Variants in NUTM1 observed in about 807,000 individuals in gnomAD.
The protein encoded by NUTM1 is NUT family member 1.
In NUTM1, 39 loss-of-function variants were observed where a neutral mutation model predicts 88.7. The observed-to-expected ratio is 0.44, with a 90% CI of 0.34 to 0.57. NUTM1 has a LOEUF of 0.57. Ranked by LOEUF, NUTM1 falls within the 20% of genes least tolerant of loss-of-function variation. The probability of loss-of-function intolerance (pLI) is 0.01; values close to 1 mark genes in which losing one functional copy is unlikely to be tolerated. For missense variants in NUTM1, 1,350 were observed against 1,414.5 expected (o/e 0.95, Z 0.73); for synonymous variants, 494 against 538.0 (o/e 0.92, Z 1.13).
At chr15:34,345,702 A>G (rs8032347) in intron 1 of NUTM1, among the ~76,000 whole-genome samples, 20,771 of 152,156 alleles carry the variant, frequency 0.14, 1,555 homozygotes, top group East Asian at 0.33. Context: ...ATCTGAGAAA[A>G]AGTTTACAAA....
Position 34,356,941 on chromosome 15 carries a change from A to G in NUTM1, c.2933A>G (p.Gln978Arg), listed in dbSNP as rs746717709. 4 of 1,613,856 alleles carry G rather than the reference A, an allele frequency of 2.5e-6. No homozygotes were observed. In the South Asian group the frequency reaches 3.3e-5, roughly 13 times the overall value. The change falls in exon 8 of 8, where the codon CAA becomes CGA. Residue 978 changes from glutamine to arginine, a missense_variant. By Grantham distance (43) the Gln-to-Arg change is conservative. Coordinates refer to ENST00000537011, the MANE Select transcript of NUTM1 (RefSeq NM_001284292.2). ...LSKPKNLAPL[Q>R]ESQESYTTGT... is the part of the protein sequence containing the mutation. ...AAGCCTAAAAACCTTGCTCCTTTAC[A>G]AGAGAGTCAGGAGTCTTACACAACT... is the stretch of plus-strand genomic sequence containing the variant.
chr15:34,354,592 G>T lies in NUTM1; in HGVS notation c.1222G>T (p.Gly408Trp). 1 of 1,614,176 alleles carries T rather than the reference G, an allele frequency of 6.2e-7. No individual in the cohort carries two copies. Among genetic ancestry groups the T allele is most frequent in the Non-Finnish European group, 8.5e-7 (1 of 1,180,040 alleles). Reference protein sequence around the residue: ...EYVDIMEWLVGTHLATGESDG... With the variant: ...EYVDIMEWLVWTHLATGESDG... ...TGTTGACATCATGGAATGGCTGGTG[G>T]GGACTCACTTGGCCACTGGGGAGTC... Residue 408 changes from glycine (G) to tryptophan (W), a missense_variant, in exon 6 of 8, where the codon GGG (glycine) becomes TGG (tryptophan). Physicochemically the swap from Gly to Trp is radical, Grantham distance 184. This residue lies in a region of NUTM1 where 126 missense variants were observed against 189.8 expected (regional missense o/e 0.66). Transcript: ENST00000537011.
chr15:34,356,612 C>G lies in NUTM1; in HGVS notation c.2604C>G (p.Cys868Trp). 6.2e-7 allele frequency: 1 copy of G among 1,613,974 alleles called. No homozygotes were observed. Among genetic ancestry groups the G allele is most frequent in the Non-Finnish European group, 8.5e-7 (1 of 1,179,992 alleles). Residue 868 changes from cysteine (C) to tryptophan (W), a missense_variant, in exon 8 of 8, where the codon TGC becomes TGG. Physicochemically the swap from Cys to Trp is radical, Grantham distance 215. This residue lies in a region of NUTM1 where 730 missense variants were observed against 728.8 expected (regional missense o/e 1.00). Transcript: ENST00000537011. The stretch of plus-strand genomic sequence containing the variant: ...CCAGTGATCTGTGGGCAGAAGGTTG[C>G]TTCCCATTGCTAGAAAGTGGTGATT... Reference protein sequence around the residue: ...GHPSDLWAEGCFPLLESGDST... With the variant: ...GHPSDLWAEGWFPLLESGDST...
At position 34,356,479 on chromosome 15, in the gene NUTM1, C is replaced by G. The variant is rs1481690977; in HGVS notation, c.2471C>G (p.Ala824Gly). Residue 824 changes from alanine (A) to glycine (G), a missense_variant, in exon 8 of 8, where the codon GCC becomes GGC. Physicochemically the swap from Ala to Gly is moderately conservative, Grantham distance 60 (BLOSUM62 0). Around this residue, in one of 5 missense-constraint regions of NUTM1, gnomAD observed 730 missense variants for 728.8 expected, o/e 1.00. Transcript: ENST00000537011. ...IPCGGTVAAA[A>G]LEKRNYCSLP... ...TGTGGAGGCACAGTTGCGGCAGCTGCCCTAGAAAAGAGAAACTATTGCAGC... is the reference window on the plus strand; with the variant it reads ...TGTGGAGGCACAGTTGCGGCAGCTGGCCTAGAAAAGAGAAACTATTGCAGC... 4 of 1,613,558 alleles carry G rather than the reference C, an allele frequency of 2.5e-6. No homozygotes were observed. In the African/African-American group the frequency reaches 5.3e-5, roughly 22 times the overall value.
At position 34,357,457 on chromosome 15, in the gene NUTM1, C is replaced by T. The variant is rs144051027; in HGVS notation, c.3449C>T (p.Thr1150Met). The change falls in exon 8 of 8, where the codon ACG becomes ATG. Residue 1150 changes from threonine (T) to methionine (M), a missense_variant. Around this residue, in one of 5 missense-constraint regions of NUTM1, gnomAD observed 730 missense variants for 728.8 expected, o/e 1.00. Transcript: ENST00000537011. ...AAAAGGCGGTGTGACAGTTTTGTCA[C>T]GGGCAGAAGGAAGAAACGACGTCGT... is the stretch of plus-strand genomic sequence containing the variant. ...PRKRRCDSFV[T>M]GRRKKRRRSQ 560 of 1,612,720 alleles carry T rather than the reference C, an allele frequency of 3.5e-4. No individual in the cohort carries two copies. Among genetic ancestry groups the T allele is most frequent in the Middle Eastern group, 1.5e-3 (9 of 6,056 alleles).
chr15:34,348,946 C>CAG (rs1890659269), intron 3 of NUTM1, among the ~76,000 whole-genome samples: 1 of 152,206 alleles, frequency 6.6e-6, no homozygotes, highest in Non-Finnish European at 1.5e-5. Context: ...TCTTCATTTA[C>CAG]AGATAAGAAG....
At position 34,357,331 on chromosome 15, in the gene NUTM1, G is replaced by C. The variant is rs1329063220; in HGVS notation, c.3323G>C (p.Gly1108Ala). 6 of 1,614,050 alleles carry C rather than the reference G, an allele frequency of 3.7e-6. No individual in the cohort carries two copies. Among genetic ancestry groups the C allele is most frequent in the African/African-American group, 1.3e-5 (1 of 74,914 alleles). The change falls in exon 8 of 8, where the codon GGT becomes GCT. Residue 1108 changes from glycine (G) to alanine (A), a missense_variant. By Grantham distance (60) the Gly-to-Ala change is moderately conservative. Coordinates refer to ENST00000537011, the MANE Select transcript of NUTM1 (RefSeq NM_001284292.2). ...TCTGGGAAGCGAGCTCTAGCTGGAG[G>C]TCCAGCCCCTACTGAAAAGACACCC... ...AKSGKRALAG[G>A]PAPTEKTPHS... is the part of the protein sequence containing the mutation.
chr15:34,347,562 C>CA (rs962466285), intron 2 of NUTM1, among the ~76,000 whole-genome samples: 47 of 150,210 alleles, frequency 3.1e-4, no homozygotes, highest in African/African-American at 1.1e-3. Flanking sequence ...CCGGCCTCTA[C>CA]AAAAAAATTT....
chr15:34,357,457 CG>C lies in NUTM1; in HGVS notation c.3452del (p.Gly1151AlafsTer24). On this transcript the variant is annotated frameshift_variant, in exon 8 of 8. Transcript: ENST00000537011. LOFTEE classifies it high-confidence loss of function. ...PRKRRCDSFV[T>X]GRRKKRRRSQ ...AAAAGGCGGTGTGACAGTTTTGTCA[CG>C]GGCAGAAGGAAGAAACGACGTCGTA... 6.2e-7 allele frequency: 1 copy of C among 1,612,720 alleles called. No individual in the cohort carries two copies. The highest frequency in any genetic ancestry group is 8.5e-7 in the Non-Finnish European group (1 of 1,179,492).
At chr15:34,354,914 A>C in intron 6 of NUTM1, 107 bp from the exon 7 acceptor site, 2 of 1,014,614 alleles carry the variant, frequency 2.0e-6, no homozygotes, top group Non-Finnish European at 1.5e-6. Context: ...ACAATACCGG[A>C]GGGGTAAGAG....
Position 34,348,273 on chromosome 15 carries a change from T to C in NUTM1, c.405T>C (p.Phe135=). The C allele has an allele frequency of 6.2e-7, 1 of 1,614,246 alleles. No individual in the cohort carries two copies. Among genetic ancestry groups the C allele is most frequent in the Non-Finnish European group, 8.5e-7 (1 of 1,180,036 alleles). The stretch of plus-strand genomic sequence containing the variant: ...CTGAGCCCTCTCAAACTCAGAACTT[T>C]ATCCTTACTCAGACTGCCCTCAATT... ...GSAEPSQTQN[F]ILTQTALNST... Residue 135 remains phenylalanine (F), a synonymous_variant, in exon 3 of 8, where the codon TTT becomes TTC. Transcript: ENST00000537011.
chr15:34,355,956 C>CT lies in NUTM1; in HGVS notation c.1951dup (p.Cys651LeufsTer9). 1 of 1,614,128 alleles carries CT rather than the reference C, an allele frequency of 6.2e-7. No individual in the cohort carries two copies. The highest frequency in any genetic ancestry group is 1.1e-5 in the South Asian group (1 of 91,076). On this transcript the variant is annotated frameshift_variant, in exon 8 of 8. Coordinates refer to ENST00000537011, the MANE Select transcript of NUTM1 (RefSeq NM_001284292.2). LOFTEE classifies it high-confidence loss of function. This position sits in a 1 kb window ranked among gnomAD's most constrained non-coding sequence, Gnocchi z 4.3. ...TGATAGGACTTCAGAGGCTCTGCCC[C>CT]TTTGTTGGCAGGGAGGCTTCCAGCC... is the stretch of plus-strand genomic sequence containing the variant.
Position 34,347,893 on chromosome 15 carries a change from AAAAT to A in NUTM1, c.101-75_101-72del. On this transcript the variant is annotated intron_variant, in intron 2 of 7. Coordinates refer to ENST00000537011, the MANE Select transcript of NUTM1 (RefSeq NM_001284292.2). ...AAATAAAAATAAAAATAAAAATAAA[AAAAT>A]GGGGAATTCAGATGGCTAACTCTGG... The A allele has an allele frequency of 1.2e-5, 7 of 581,986 alleles. No individual in the cohort carries two copies. In the African/African-American group the frequency reaches 1.4e-4, roughly 12 times the overall value. The allele number at this position is 581,986 out of a possible 1,614,324, so 36.1% of individuals were successfully genotyped here. A position where few individuals can be genotyped will look rare whatever the true frequency, so the allele number is the denominator to read the frequency against.
rs745386231 is a variant in NUTM1 at position 34,353,705 on chromosome 15, G to T, written c.939-31G>T. 5 of 1,613,530 alleles carry T rather than the reference G, an allele frequency of 3.1e-6. No individual in the cohort carries two copies. In the African/African-American group the frequency reaches 6.7e-5, roughly 22 times the overall value. On this transcript the variant is annotated intron_variant, in intron 4 of 7. Coordinates refer to ENST00000537011, the MANE Select transcript of NUTM1 (RefSeq NM_001284292.2). ...TCTGATGGGTCTGGTCTCCTTCTCA[G>T]CATTGCCTATGCCTTTCTCACCCTC...
intron 2 of NUTM1, among the ~76,000 whole-genome samples, chr15:34,347,143 T>C (rs1890607549): frequency 6.6e-6 from 1 of 151,830 alleles, no homozygotes; most frequent in East Asian, 1.9e-4. Flanking sequence ...TCAGATGGGG[T>C]GTGGTGGCTC....
At chr15:34,345,783 A>G in intron 1 of NUTM1, 159 bp from the exon 2 acceptor site, 2 of 996,870 alleles carry the variant, frequency 2.0e-6, no homozygotes, top group Non-Finnish European at 2.8e-6. Context: ...GTTTTTTCAT[A>G]CTTACTAGAA....
At position 34,357,023 on chromosome 15, in the gene NUTM1, G is replaced by A; in HGVS notation, c.3015G>A (p.Arg1005=). 1 of 1,613,942 alleles carries A rather than the reference G, an allele frequency of 6.2e-7. No individual in the cohort carries two copies. The highest frequency in any genetic ancestry group is 8.5e-7 in the Non-Finnish European group (1 of 1,179,994). Residue 1005 remains arginine (R), a synonymous_variant, in exon 8 of 8, where the codon AGG becomes AGA. Coordinates refer to ENST00000537011, the MANE Select transcript of NUTM1 (RefSeq NM_001284292.2). ...GCCTTGGAAGCACTTTGCCTAGAAG[G>A]GGAACCAGGAATGCCATAGTTCCGA... is the stretch of plus-strand genomic sequence containing the variant. ...HQGLGSTLPR[R]GTRNAIVPRE... is the part of the protein sequence containing the mutation.
chr15:34,345,422 T>C (rs1017770853), intron 1 of NUTM1, among the ~76,000 whole-genome samples: 2 of 152,232 alleles, frequency 1.3e-5, no homozygotes, highest in African/African-American at 4.8e-5. Context: ...AAGGAAATGA[T>C]GTGCACACAG....
intron 2 of NUTM1, among the ~76,000 whole-genome samples, chr15:34,347,678 C>G (rs58261770): frequency 0.13 from 19,450 of 151,900 alleles, 1,407 homozygotes; most frequent in East Asian, 0.33. Flanking sequence ...ACGGTGAAAC[C>G]CCGTCTCTAT....
Sources: allele counts gnomAD v4.1 joint callset (sites outside exome capture counted in the v4.1 genomes callset), GRCh38; gene constraint gnomAD v4.1.1; regional missense constraint gnomAD v4.1.1; non-coding constraint Gnocchi (gnomAD v3.1); transcripts MANE v1.5; gene names NCBI Gene and HGNC (gene_info 2026-07-23, HGNC 2026-07-21).